MEGF10: variants seen among roughly 807,000 people sequenced by gnomAD.
The protein encoded by MEGF10 is multiple EGF like domains 10.
A neutral mutation model predicts 147.5 loss-of-function variants in MEGF10; 86 were observed. That is an observed-to-expected ratio of 0.58 (90% confidence interval 0.49 to 0.70). The LOEUF is 0.70. Ranked by LOEUF, MEGF10 falls within the 30% of genes least tolerant of loss-of-function variation. The probability of loss-of-function intolerance (pLI) is 0.00; values close to 1 mark genes in which losing one functional copy is unlikely to be tolerated. For missense variants in MEGF10, 1,329 were observed against 1,487.3 expected, an observed-to-expected ratio of 0.89 and a Z score of 1.75; for synonymous variants, 478 against 525.5, an observed-to-expected ratio of 0.91 and a Z score of 1.24.
At chr5:127,403,157 C>T (rs775567736) in intron 8 of MEGF10, among the ~76,000 whole-genome samples, 8 of 152,190 alleles carry the variant, frequency 5.3e-5, no homozygotes, top group Non-Finnish European at 1.0e-4. Flanking sequence ...ATAGGGCCCT[C>T]TGGTCCCACA....
chr5:127,411,580 G>A (rs1764566138), intron 9 of MEGF10, among the ~76,000 whole-genome samples: 2 of 152,022 alleles, frequency 1.3e-5, no homozygotes, highest in Admixed American at 6.5e-5. Context: ...GCGCGCATAT[G>A]TGTGCTGTAA....
the MEGF10 span, among the ~76,000 whole-genome samples, chr5:127,255,757 G>A: frequency 6.6e-6 from 1 of 152,132 alleles, no homozygotes; most frequent in East Asian, 1.9e-4. Context: ...ACTCCACAAT[G>A]GATTCGTCTC....
At chr5:127,284,348 T>TGTAC in the MEGF10 span, among the ~76,000 whole-genome samples, 6 of 152,166 alleles carry the variant, frequency 3.9e-5, no homozygotes, top group South Asian at 6.2e-4. Context: ...GATAAAGCTG[T>TGTAC]GTACACACAA....
chr5:127,399,853 C>T (rs528949619), intron 7 of MEGF10, among the ~76,000 whole-genome samples: 11 of 152,310 alleles, frequency 7.2e-5, no homozygotes, highest in African/African-American at 2.6e-4. Flanking sequence ...ACCATAAATC[C>T]ACTCTGGCAA....
At chr5:127,238,932 A>C in the MEGF10 span, among the ~76,000 whole-genome samples, 1 of 152,188 alleles carries the variant, frequency 6.6e-6, no homozygotes, top group Non-Finnish European at 1.5e-5. Context: ...AAGTGAAAGA[A>C]TCATCATCAG....
intron 5 of MEGF10, among the ~76,000 whole-genome samples, chr5:127,373,030 T>C (rs1762900163): frequency 6.6e-6 from 1 of 152,256 alleles, no homozygotes. Context: ...CTCCTGCATT[T>C]ATTCAAACAT....
the MEGF10 span, among the ~76,000 whole-genome samples, chr5:127,244,195 C>CAAAAA: frequency 1.4e-5 from 1 of 70,574 alleles, no homozygotes. Flanking sequence ...AAACTCTGTC[C>CAAAAA]AAAAAAAAAA....
intron 12 of MEGF10, among the ~76,000 whole-genome samples, chr5:127,422,238 T>C (rs1316199291): frequency 6.6e-6 from 1 of 152,128 alleles, no homozygotes; most frequent in Non-Finnish European, 1.5e-5. Context: ...TGCATCCCTC[T>C]GGCTGGGTGC....
intron 1 of MEGF10, among the ~76,000 whole-genome samples, chr5:127,312,098 C>G (rs1387989215): frequency 6.6e-6 from 1 of 152,218 alleles, no homozygotes. Flanking sequence ...TCTCGCCTTG[C>G]TCCTTCCTCT....
At chr5:127,339,309 C>A in intron 3 of MEGF10, 88 bp downstream of exon 3, 2 of 911,140 alleles carry the variant, frequency 2.2e-6, no homozygotes, top group Non-Finnish European at 3.5e-6. Context: ...AAAGTGCATC[C>A]ATTCATTCAG....
the MEGF10 span, among the ~76,000 whole-genome samples, chr5:127,257,903 A>G: frequency 6.6e-6 from 1 of 152,346 alleles, no homozygotes; most frequent in South Asian, 2.1e-4. Flanking sequence ...ACAAAGAGTA[A>G]ACAGACTTAT....
the MEGF10 span, among the ~76,000 whole-genome samples, chr5:127,267,093 C>T: frequency 6.6e-6 from 1 of 152,090 alleles, no homozygotes; most frequent in African/African-American, 2.4e-5. Flanking sequence ...TGAGATACAG[C>T]CCATCAATAC....
At chr5:127,278,522 T>C in the MEGF10 span, among the ~76,000 whole-genome samples, 2 of 152,176 alleles carry the variant, frequency 1.3e-5, no homozygotes, top group Admixed American at 1.3e-4. Flanking sequence ...TATTTGTGAA[T>C]GCTGATGGGA....
chr5:127,312,855 C>T (rs186225757), intron 1 of MEGF10, among the ~76,000 whole-genome samples: 1 of 152,018 alleles, frequency 6.6e-6, no homozygotes, highest in African/African-American at 2.4e-5. Flanking sequence ...TTTCAGATAA[C>T]CTGAAACCAT....
chr5:127,292,133 G>C (rs1378291143), intron 1 of MEGF10, among the ~76,000 whole-genome samples: 1 of 152,132 alleles, frequency 6.6e-6, no homozygotes, highest in African/African-American at 2.4e-5. Flanking sequence ...CCTGACACGA[G>C]TGCTCCAAGA....
chr5:127,413,300 T>C (rs926600564), intron 9 of MEGF10, among the ~76,000 whole-genome samples: 2 of 152,142 alleles, frequency 1.3e-5, no homozygotes, highest in African/African-American at 4.8e-5. Context: ...GAAAATAAAA[T>C]TTGAGATTTA....
intron 20 of MEGF10, among the ~76,000 whole-genome samples, chr5:127,446,941 A>G (rs2127027597): frequency 6.6e-6 from 1 of 152,314 alleles, no homozygotes; most frequent in African/African-American, 2.4e-5. Context: ...CTTAGTCAGC[A>G]AAGGCCTGCT....
At chr5:127,235,500 T>A in the MEGF10 span, among the ~76,000 whole-genome samples, 1 of 152,274 alleles carries the variant, frequency 6.6e-6, no homozygotes, top group Non-Finnish European at 1.5e-5. Flanking sequence ...TTGGACTAGT[T>A]GTTTTTAGCT....
intron 4 of MEGF10, among the ~76,000 whole-genome samples, chr5:127,347,400 A>T (rs1336282956): frequency 1.3e-5 from 2 of 152,066 alleles, no homozygotes; most frequent in African/African-American, 4.8e-5. Flanking sequence ...ATTAACACAT[A>T]TCAGTTTTTA....
Sources: allele counts gnomAD v4.1 joint callset (sites outside exome capture counted in the v4.1 genomes callset), GRCh38; gene constraint gnomAD v4.1.1; transcripts MANE v1.5; gene names NCBI Gene and HGNC (gene_info 2026-07-23, HGNC 2026-07-21).